The following OR56A3 variants were observed in gnomAD, a reference collection of about 807,000 sequenced individuals.
OR56A3 encodes the protein olfactory receptor 56A3.
OR56A3 carries 23 observed loss-of-function variants against 17.5 expected under a neutral mutation model. The ratio of observed to expected loss-of-function variants is 1.32; its 90% CI spans 0.95 to 1.87. The LOEUF is 1.87. OR56A3 is among the 40% of genes most tolerant of loss of function. OR56A3 has a pLI of 0.00. For synonymous variants in OR56A3, 175 were observed against 150.6 expected, an observed-to-expected ratio of 1.16 and a Z score of -1.19; for missense variants, 366 against 380.1, an observed-to-expected ratio of 0.96 and a Z score of 0.31.
At chr11:5,967,474 TA>T in the OR56A3 span, 4 of 1,063,238 alleles carry the variant, frequency 3.8e-6, no homozygotes, top group African/African-American at 6.4e-5. Context: ...AGTAACAATT[TA>T]AATTTTCTAT....
At chr11:6,007,236 A>G in the OR56A3 span, among the ~76,000 whole-genome samples, 5 of 152,246 alleles carry the variant, frequency 3.3e-5, no homozygotes, top group Admixed American at 1.3e-4. Flanking sequence ...ATTTCACATC[A>G]TGTGTGAAAC....
chr11:6,011,687 G>A, the OR56A3 span, among the ~76,000 whole-genome samples: 8 of 152,132 alleles, frequency 5.3e-5, no homozygotes, highest in East Asian at 1.9e-4. Flanking sequence ...CACTCGGCTC[G>A]TTCTGTCCAT....
chr11:5,942,676 G>A (rs896170378), intron 1 of OR56A3, among the ~76,000 whole-genome samples: 1 of 152,190 alleles, frequency 6.6e-6, no homozygotes, highest in Non-Finnish European at 1.5e-5. Context: ...AGGACCAGTG[G>A]AAGTCAGGAA....
the OR56A3 span, among the ~76,000 whole-genome samples, chr11:6,015,763 C>G: frequency 6.6e-6 from 1 of 152,206 alleles, no homozygotes; most frequent in East Asian, 1.9e-4. Flanking sequence ...GGCCAATTTC[C>G]TACTGCCTGT....
the OR56A3 span, among the ~76,000 whole-genome samples, chr11:6,013,794 T>C: frequency 5.3e-5 from 8 of 152,036 alleles, no homozygotes; most frequent in Admixed American, 3.3e-4. Flanking sequence ...AGGCCAGCAT[T>C]GTCTGCCACC....
the OR56A3 span, among the ~76,000 whole-genome samples, chr11:5,964,089 AT>A: frequency 6.6e-6 from 1 of 151,986 alleles, no homozygotes; most frequent in Non-Finnish European, 1.5e-5. Context: ...TCTTTGTAAT[AT>A]TTTTTATTTT....
At chr11:5,963,280 T>C in the OR56A3 span, among the ~76,000 whole-genome samples, 1 of 152,172 alleles carries the variant, frequency 6.6e-6, no homozygotes, top group Non-Finnish European at 1.5e-5. Flanking sequence ...GGTTGTTTAT[T>C]TGAGATGCTT....
chr11:5,948,081 T>A lies in OR56A3; in HGVS notation c.735T>A (p.Cys245Ter). 6.2e-7 allele frequency: 1 copy of A among 1,614,252 alleles called. No homozygotes were observed. The highest frequency in any genetic ancestry group is 8.5e-7 in the Non-Finnish European group (1 of 1,180,038). ...CCGTGGCAAAGGCCCTAAGCACATG[T>A]GGCTCCCACTTCATGCTCATCCTCT... ...EGAVAKALST[C>*]GSHFMLILFF... Residue 245 changes from cysteine (C) to a stop codon, truncating the protein, a stop_gained, in exon 3 of 3, where the codon TGT (cysteine) becomes TGA (stop). Transcript: ENST00000641160. LOFTEE classifies it high-confidence loss of function.
the OR56A3 span, among the ~76,000 whole-genome samples, chr11:5,960,003 C>T: frequency 6.6e-6 from 1 of 152,164 alleles, no homozygotes; most frequent in African/African-American, 2.4e-5. Context: ...TCTGAGCTCC[C>T]TATTCTGCTC....
At chr11:5,956,975 G>A in the OR56A3 span, among the ~76,000 whole-genome samples, 6 of 152,130 alleles carry the variant, frequency 3.9e-5, no homozygotes, top group African/African-American at 1.2e-4. Context: ...GACCAACACG[G>A]TGAAACTCAT....
chr11:5,997,757 G>A, the OR56A3 span, among the ~76,000 whole-genome samples: 1 of 152,136 alleles, frequency 6.6e-6, no homozygotes, highest in African/African-American at 2.4e-5. Context: ...GGAAAATTAT[G>A]TTTAAATGAG....
At chr11:5,986,745 G>A in the OR56A3 span, 2 of 1,613,936 alleles carry the variant, frequency 1.2e-6, no homozygotes, top group Non-Finnish European at 1.7e-6. Flanking sequence ...TGAAGAGAAT[G>A]GTAACATTGC....
At chr11:5,996,226 G>GTA in the OR56A3 span, among the ~76,000 whole-genome samples, 2 of 152,088 alleles carry the variant, frequency 1.3e-5, no homozygotes, top group Admixed American at 6.5e-5. Context: ...ATGTATGTGT[G>GTA]TATATATATG....
the OR56A3 span, among the ~76,000 whole-genome samples, chr11:5,983,934 TAGAG>T: frequency 6.6e-5 from 10 of 152,246 alleles, no homozygotes; most frequent in African/African-American, 2.4e-4. Flanking sequence ...ACCTGCTTTT[TAGAG>T]AGAAACCTGG....
rs1847858610 is a variant in OR56A3 at position 5,944,833 on chromosome 11, T to C, written c.-286T>C. 6.6e-6 allele frequency: 1 copy of C among 152,154 alleles called. No homozygotes were observed. Among genetic ancestry groups the C allele is most frequent in the Admixed American group, 6.5e-5 (1 of 15,288 alleles). The allele number at this position is 152,154 out of a possible 1,614,324, so 9.4% of individuals were successfully genotyped here. On this transcript the variant is annotated 5_prime_UTR_variant, in exon 2 of 3. Coordinates refer to ENST00000641160, the MANE Select transcript of OR56A3 (RefSeq NM_001003443.3). ...GAAAAGAATTGGGAGAATATCTAAA[T>C]CTCTTCTATATATGAGGTGAAGGGC... is the stretch of plus-strand genomic sequence containing the variant.
At chr11:5,989,305 C>G in the OR56A3 span, among the ~76,000 whole-genome samples, 1 of 152,200 alleles carries the variant, frequency 6.6e-6, no homozygotes, top group Non-Finnish European at 1.5e-5. Context: ...AACAGCTGTG[C>G]ATTTGTGGAA....
At chr11:5,987,237 A>T in the OR56A3 span, among the ~76,000 whole-genome samples, 28 of 152,178 alleles carry the variant, frequency 1.8e-4, 2 homozygotes, top group Admixed American at 1.8e-3. Flanking sequence ...GCCTCTTGGT[A>T]TTACTGACCA....
the OR56A3 span, among the ~76,000 whole-genome samples, chr11:5,966,204 C>T: frequency 1.9e-5 from 2 of 103,548 alleles, no homozygotes; most frequent in Non-Finnish European, 3.8e-5. Flanking sequence ...AACCCCGTCT[C>T]TACAAAAAAA....
At chr11:5,944,115 G>T (rs1239226136) in intron 1 of OR56A3, among the ~76,000 whole-genome samples, 2 of 152,158 alleles carry the variant, frequency 1.3e-5, no homozygotes, top group African/African-American at 4.8e-5. Flanking sequence ...TGTTCTAGGG[G>T]TTATTATCTT....
Sources: gnomAD v4.1 joint callset for allele counts (sites outside exome capture counted in the v4.1 genomes callset) on GRCh38, gnomAD v4.1.1 for gene constraint, MANE v1.5 for transcripts, NCBI Gene and HGNC (gene_info 2026-07-23, HGNC 2026-07-21) for gene names.